LTBP4: variants seen among roughly 807,000 people sequenced by gnomAD.
LTBP4 encodes the protein latent-transforming growth factor beta-binding protein 4.
Under a neutral mutation model 180.2 loss-of-function variants are expected in LTBP4, and 93 were observed. That is an observed-to-expected ratio of 0.52 (90% CI 0.44 to 0.61). The LOEUF (loss-of-function observed/expected upper bound fraction) is 0.61, where lower values mean the gene tolerates loss of function less well. Ranked by LOEUF, LTBP4 falls within the 20% of genes least tolerant of loss-of-function variation. The probability of loss-of-function intolerance (pLI) is 0.00; values close to 1 mark genes in which losing one functional copy is unlikely to be tolerated. For missense variants in LTBP4, 2,116 were observed against 2,256.5 expected, an observed-to-expected ratio of 0.94 and a Z score of 1.26; for synonymous variants, 947 against 934.5, an observed-to-expected ratio of 1.01 and a Z score of -0.24.
chr19:40,597,927 G>T (rs1000643091), upstream of LTBP4, among the ~76,000 whole-genome samples: 4 of 152,020 alleles, frequency 2.6e-5, no homozygotes, highest in African/African-American at 4.8e-5. Flanking sequence ...GGGGTCGGGT[G>T]GGGGAGTCCT....
chr19:40,606,118 T>A (rs1599861803), intron 4 of LTBP4, 115 bp from the exon 5 acceptor site: 2 of 1,011,064 alleles, frequency 2.0e-6, no homozygotes, highest in East Asian at 2.6e-5. Flanking sequence ...AGGCTGTCCC[T>A]GCACTTAAAC....
upstream of LTBP4, among the ~76,000 whole-genome samples, chr19:40,598,273 A>C (rs953292543): frequency 2.0e-5 from 3 of 152,002 alleles, no homozygotes; most frequent in Admixed American, 2.0e-4. Context: ...GGATGACGGC[A>C]AGATCGGGGA....
At position 40,605,944 on chromosome 19, in the gene LTBP4, C is replaced by A; in HGVS notation, c.793+113C>A. ...GTTCACAAATTGTAGCCACGCCTAC[C>A]CCATTGTGGAGGCGACTTCCAGTCC... On this transcript the variant is annotated intron_variant, in intron 4 of 29. Coordinates refer to ENST00000396819, the MANE Select transcript of LTBP4 (RefSeq NM_001042545.2). This position sits in a 1 kb window ranked among gnomAD's most constrained non-coding sequence, Gnocchi z 5.5. 1 of 1,206,066 alleles carries A rather than the reference C, an allele frequency of 8.3e-7. No homozygotes were observed. Among genetic ancestry groups the A allele is most frequent in the East Asian group, 2.6e-5 (1 of 39,006 alleles). The allele number at this position is 1,206,066 out of a possible 1,614,324, so 74.7% of individuals were successfully genotyped here. A position where few individuals can be genotyped will look rare whatever the true frequency, so the allele number is the denominator to read the frequency against.
intron 19 of LTBP4, among the ~76,000 whole-genome samples, chr19:40,616,278 A>T (rs904047617): frequency 1.3e-5 from 2 of 149,040 alleles, no homozygotes; most frequent in African/African-American, 5.0e-5. Flanking sequence ...TGAGCAACAG[A>T]GCAAGACCCC....
intron 15 of LTBP4, 94 bp from the exon 16 acceptor site, chr19:40,612,971 C>T (rs1338161336): frequency 1.5e-6 from 2 of 1,346,890 alleles, no homozygotes; most frequent in East Asian, 5.0e-5. Context: ...ACTCATGAGA[C>T]TTCCCACCAC....
At chr19:40,620,541 C>T (rs2081579298) in intron 22 of LTBP4, among the ~76,000 whole-genome samples, 1 of 151,496 alleles carries the variant, frequency 6.6e-6, no homozygotes, top group African/African-American at 2.4e-5. Context: ...TCTGGGAGGC[C>T]AAGGCGGGAG....
rs111948061 is a variant in LTBP4 at position 40,615,196 on chromosome 19, G to GGC, written c.2812+751_2812+752insCG. 4.8e-5 allele frequency: 7 copies of GGC among 146,524 alleles called. 1 individual carries two copies. The highest frequency in any genetic ancestry group is 1.3e-4 in the African/African-American group (5 of 39,106). 9.1% of individuals were successfully genotyped at this position (146,524 alleles called of 1,614,324 possible). On this transcript the variant is annotated intron_variant, in intron 19 of 29. Coordinates refer to ENST00000396819, the MANE Select transcript of LTBP4 (RefSeq NM_001042545.2). ...AGTATATATTTTTTTGTGTCGGCGG[G>GGC]GGGGGGGGGGCGGTGATGGTGTGTG...
Position 40,605,778 on chromosome 19 carries a change from G to A in LTBP4, c.740G>A (p.Gly247Glu). The A allele has an allele frequency of 1.9e-6, 3 of 1,542,120 alleles. No individual in the cohort carries two copies. Among genetic ancestry groups the A allele is most frequent in the Non-Finnish European group, 2.6e-6 (3 of 1,146,750 alleles). Reference protein sequence around the residue: ...GLRTQEVCCRGAGLAWGVHDC... With the variant: ...GLRTQEVCCREAGLAWGVHDC... ...CGGACGCAGGAGGTCTGCTGCCGAG[G>A]GGCCGGCTTGGCCTGGGGCGTTCAC... is the stretch of plus-strand genomic sequence containing the variant. The change falls in exon 4 of 30, where the codon GGG becomes GAG. Residue 247 changes from glycine to glutamate, a missense_variant. Gly to Glu is a moderately conservative substitution (Grantham distance 98). This residue lies in a region of LTBP4 where 469 missense variants were observed against 532.5 expected (regional missense o/e 0.88). Transcript: ENST00000396819. The surrounding 1 kb of genome is among the most constrained non-coding windows in gnomAD (Gnocchi z 5.5).
chr19:40,621,165 A>G (rs1017486059), intron 22 of LTBP4, among the ~76,000 whole-genome samples: 11 of 151,716 alleles, frequency 7.3e-5, no homozygotes, highest in African/African-American at 2.7e-4. Context: ...CTGGTCTCGA[A>G]CTCCTGACCT....
At position 40,609,452 on chromosome 19, in the gene LTBP4, C is replaced by A; in HGVS notation, c.1427-78C>A. 1 of 1,569,168 alleles carries A rather than the reference C, an allele frequency of 6.4e-7. No homozygotes were observed. Among genetic ancestry groups the A allele is most frequent in the South Asian group, 1.1e-5 (1 of 88,764 alleles). On this transcript the variant is annotated intron_variant, in intron 9 of 29. Coordinates refer to ENST00000396819, the MANE Select transcript of LTBP4 (RefSeq NM_001042545.2). The surrounding 1 kb of genome is among the most constrained non-coding windows in gnomAD (Gnocchi z 4.9). Reference sequence around the variant, plus strand: ...CATGAAGGTGTTTTATGGATGTCTCCGGGGGTGGGGGTTTTACTGGGATGA... The same window carrying A: ...CATGAAGGTGTTTTATGGATGTCTCAGGGGGTGGGGGTTTTACTGGGATGA...
chr19:40,627,868 GC>G lies in LTBP4; in HGVS notation c.4519+14del. 1 of 1,555,256 alleles carries G rather than the reference GC, an allele frequency of 6.4e-7. No individual in the cohort carries two copies. Among genetic ancestry groups the G allele is most frequent in the Non-Finnish European group, 8.6e-7 (1 of 1,156,688 alleles). On this transcript the variant is annotated intron_variant, in intron 29 of 29. Transcript: ENST00000396819. ...GCATGGCCTGCGTTGGTGAGGGCGG[GC>G]CCGGGGCCAGCATGCGCAGGGAGAG... is the stretch of plus-strand genomic sequence containing the variant.
Position 40,612,130 on chromosome 19 carries a change from C to T in LTBP4, c.2237C>T (p.Pro746Leu), listed in dbSNP as rs1174727711. 1.2e-6 allele frequency: 2 copies of T among 1,613,384 alleles called. No homozygotes were observed. Among genetic ancestry groups the T allele is most frequent in the Admixed American group, 1.7e-5 (1 of 59,972 alleles). ...ACPGQECVNS[P>L]GSFQCRTCPS... Reference sequence around the variant, plus strand: ...CCTGGGCAGGAGTGTGTGAACTCGCCCGGCTCCTTCCAGTGCAGGACCTGT... The same window carrying T: ...CCTGGGCAGGAGTGTGTGAACTCGCTCGGCTCCTTCCAGTGCAGGACCTGT... Residue 746 changes from proline to leucine, a missense_variant, in exon 15 of 30, where the codon CCC becomes CTC. Physicochemically the swap from Pro to Leu is moderately conservative, Grantham distance 98. Around this residue, in one of 5 missense-constraint regions of LTBP4, gnomAD observed 877 missense variants for 873.6 expected, o/e 1.00. Coordinates refer to ENST00000396819, the MANE Select transcript of LTBP4 (RefSeq NM_001042545.2).
chr19:40,609,557 A>G lies in LTBP4; in HGVS notation c.1454A>G (p.Asn485Ser), dbSNP rs376453289. Residue 485 changes from asparagine (N) to serine (S), a missense_variant, in exon 10 of 30, where the codon AAC (asparagine) becomes AGC (serine). Coordinates refer to ENST00000396819, the MANE Select transcript of LTBP4 (RefSeq NM_001042545.2). This position sits in a 1 kb window ranked among gnomAD's most constrained non-coding sequence, Gnocchi z 4.9. Reference sequence around the variant, plus strand: ...CCCTCCTCCGGCATGTGTCAGCGCAACCCCCAGGTCTGCGGCCCAGGACGC... The same window carrying G: ...CCCTCCTCCGGCATGTGTCAGCGCAGCCCCCAGGTCTGCGGCCCAGGACGC... ...SGPSSGMCQR[N>S]PQVCGPGRCI... 49 of 1,613,022 alleles carry G rather than the reference A, an allele frequency of 3.0e-5. No individual in the cohort carries two copies. The highest frequency in any genetic ancestry group is 3.6e-5 in the Non-Finnish European group (43 of 1,179,760).
chr19:40,618,296 G>A (rs1214253478), intron 21 of LTBP4, among the ~76,000 whole-genome samples: 1 of 149,494 alleles, frequency 6.7e-6, no homozygotes, highest in Non-Finnish European at 1.5e-5. Context: ...TTTTGCTCTA[G>A]TTGTCCAGGC....
rs75273236 is a variant in LTBP4, at chr19:40,622,210, A to T, written c.3218-191A>T. 3.2e-3 allele frequency among the ~76,000 whole-genome samples: 493 copies of T among 152,254 alleles called. 2 individuals are homozygous for T. The highest frequency in any genetic ancestry group is 0.011 in the African/African-American group (465 of 41,534). ...GAGGTGGGGAGGCAAGAGATGCAGA[A>T]ATGACAGGAGGTGACAGTGGGAGAA... On this transcript the variant is annotated intron_variant, in intron 22 of 29. Transcript: ENST00000396819. The surrounding 1 kb of genome is among the most constrained non-coding windows in gnomAD (Gnocchi z 5.1).
At chr19:40,607,253 A>AACC in intron 6 of LTBP4, 112 bp from the exon 7 acceptor site, 2 of 690,842 alleles carry the variant, frequency 2.9e-6, no homozygotes, top group South Asian at 1.7e-5. Flanking sequence ...TGCCCCTCGC[A>AACC]CCCACCAACC....
chr19:40,623,754 AC>A, intron 25 of LTBP4, 22 bp downstream of exon 25: 1 of 1,611,102 alleles, frequency 6.2e-7, no homozygotes, highest in Non-Finnish European at 8.5e-7. Flanking sequence ...ACCTCCCCCA[AC>A]CCCCGGCAAC....
At chr19:40,619,530 G>A in intron 22 of LTBP4, 37 bp downstream of exon 22, 1 of 1,561,218 alleles carries the variant, frequency 6.4e-7, no homozygotes, top group South Asian at 1.2e-5. Context: ...ATGGCGGCTG[G>A]CCCCATGGGA....
upstream of LTBP4, among the ~76,000 whole-genome samples, chr19:40,600,746 G>A (rs1166805214): frequency 2.0e-5 from 3 of 151,750 alleles, no homozygotes; most frequent in Non-Finnish European, 4.4e-5. This position sits in a 1 kb window ranked among gnomAD's most constrained non-coding sequence, Gnocchi z 4.4. Context: ...TAGTACCCCC[G>A]CCCACAGCCT....
Sources: allele counts gnomAD v4.1 joint callset (sites outside exome capture counted in the v4.1 genomes callset), GRCh38; gene constraint gnomAD v4.1.1; regional missense constraint gnomAD v4.1.1; non-coding constraint Gnocchi (gnomAD v3.1); transcripts MANE v1.5; gene names NCBI Gene and HGNC (gene_info 2026-07-23, HGNC 2026-07-21).